Variants in YWHAQ observed in about 807,000 individuals in gnomAD.
YWHAQ encodes the protein tyrosine 3-monooxygenase/tryptophan 5-monooxygenase activation protein theta.
Under a neutral mutation model 28.3 loss-of-function variants are expected in YWHAQ, and 6 were observed. The observed-to-expected ratio is 0.21, with a 90% CI of 0.12 to 0.42. The LOEUF is 0.42. YWHAQ is among the 10% of genes least tolerant of loss of function. The pLI is 1.00. For missense variants in YWHAQ, 201 were observed against 305.6 expected, an observed-to-expected ratio of 0.66 and a Z score of 2.55; for synonymous variants, 143 against 119.1, an observed-to-expected ratio of 1.20 and a Z score of -1.31.
chr2:9,591,627 A>G lies in YWHAQ; in HGVS notation c.295-112T>C. 19 of 1,295,826 alleles carry G rather than the reference A, an allele frequency of 1.5e-5. No homozygotes were observed. The South Asian group carries it at 3.0e-4, about 21-fold the overall frequency. 80.3% of individuals were successfully genotyped at this position (1,295,826 alleles called of 1,614,324 possible). A position where few individuals can be genotyped will look rare whatever the true frequency, so the allele number is the denominator to read the frequency against. On this transcript the variant is annotated intron_variant, in intron 2 of 5. Transcript: ENST00000238081. ...ATTTCAATCATTTACTACTACAGTA[A>G]TACTATACCATACCAGCCTGGACTT...
intron 3 of YWHAQ, among the ~76,000 whole-genome samples, chr2:9,589,881 A>G (rs1426025514): frequency 6.6e-6 from 1 of 152,200 alleles, no homozygotes; most frequent in Admixed American, 6.5e-5. Flanking sequence ...AGTTTTCTGT[A>G]TGAGGCCACT....
intron 2 of YWHAQ, among the ~76,000 whole-genome samples, chr2:9,606,655 G>A (rs1666836246): frequency 6.6e-6 from 1 of 151,850 alleles, no homozygotes; most frequent in Admixed American, 6.5e-5. Context: ...TCAGCCTCCT[G>A]AGTAGCTGGG....
rs201450214 is a variant in YWHAQ, at chr2:9,587,558, G to A, written c.583-49C>T. 1.4e-5 allele frequency: 21 copies of A among 1,498,660 alleles called. No individual in the cohort carries two copies. The African/African-American group carries it at 2.8e-4, about 20-fold the overall frequency. 92.8% of individuals were successfully genotyped at this position (1,498,660 alleles called of 1,614,324 possible). A position where few individuals can be genotyped will look rare whatever the true frequency, so the allele number is the denominator to read the frequency against. On this transcript the variant is annotated intron_variant, in intron 4 of 5. Transcript: ENST00000238081. ...TAAAATATGTGCATTGACGAAAACT[G>A]GTTATTCTACAATTACAAACCATTT...
At chr2:9,593,923 T>TATATACACACACAC (rs377495113) in intron 2 of YWHAQ, among the ~76,000 whole-genome samples, 2 of 135,164 alleles carry the variant, frequency 1.5e-5, no homozygotes, top group African/African-American at 5.8e-5. Context: ...TATATATATA[T>TATATACACACACAC]ACACACACAC....
chr2:9,606,948 A>G (rs956456178), intron 2 of YWHAQ, among the ~76,000 whole-genome samples: 2 of 148,138 alleles, frequency 1.4e-5, no homozygotes, highest in African/African-American at 5.0e-5. Flanking sequence ...GCAGTAGCAT[A>G]ATCTTGGCTC....
At chr2:9,613,592 A>G (rs564504208) in intron 2 of YWHAQ, among the ~76,000 whole-genome samples, 44 of 152,346 alleles carry the variant, frequency 2.9e-4, no homozygotes, top group African/African-American at 9.4e-4. Context: ...GACTCTAAAT[A>G]CAAAGAGAAG....
chr2:9,610,808 T>C lies in YWHAQ; in HGVS notation c.295-19293A>G, dbSNP rs547647344. On this transcript the variant is annotated intron_variant, in intron 2 of 5. Coordinates refer to ENST00000238081, the MANE Select transcript of YWHAQ (RefSeq NM_006826.4). ...CAGGCATGAGCCACCGCACCCTGCC[T>C]ACTCATTTTTTAAAAATTAAATTTA... Among the ~76,000 whole-genome samples the C allele has an allele frequency of 3.2e-4, 48 of 152,268 alleles. 2 individuals are homozygous for C. The South Asian group carries it at 9.9e-3, about 32-fold the overall frequency.
intron 2 of YWHAQ, among the ~76,000 whole-genome samples, chr2:9,622,047 G>A (rs1667151033): frequency 6.6e-6 from 1 of 152,108 alleles, no homozygotes; most frequent in South Asian, 2.1e-4. Flanking sequence ...GGCGTCGGGG[G>A]CTAGGGGAGG....
intron 2 of YWHAQ, among the ~76,000 whole-genome samples, chr2:9,626,682 T>G (rs542722991): frequency 6.6e-6 from 1 of 152,204 alleles, no homozygotes; most frequent in African/African-American, 2.4e-5. Flanking sequence ...CCACCAGCCT[T>G]GGCCTCCCAA....
At chr2:9,603,606 T>C (rs1666758209) in intron 2 of YWHAQ, among the ~76,000 whole-genome samples, 1 of 151,502 alleles carries the variant, frequency 6.6e-6, no homozygotes, top group South Asian at 2.1e-4. Context: ...GATGCATTCC[T>C]GGTTAATTCT....
At chr2:9,612,522 G>A (rs972122225) in intron 2 of YWHAQ, among the ~76,000 whole-genome samples, 2 of 152,286 alleles carry the variant, frequency 1.3e-5, no homozygotes, top group South Asian at 2.1e-4. Flanking sequence ...GTTATTCTGT[G>A]TGCCATTACA....
chr2:9,606,290 G>C (rs1311336500), intron 2 of YWHAQ, among the ~76,000 whole-genome samples: 1 of 152,152 alleles, frequency 6.6e-6, no homozygotes, highest in Non-Finnish European at 1.5e-5. Flanking sequence ...TTCCGGCCAG[G>C]CTTGGTGGCT....
chr2:9,603,927 C>T (rs1333192212), intron 2 of YWHAQ, among the ~76,000 whole-genome samples: 1 of 152,012 alleles, frequency 6.6e-6, no homozygotes, highest in East Asian at 1.9e-4. Context: ...TCCATCTCAA[C>T]AACAACAAAA....
intron 2 of YWHAQ, among the ~76,000 whole-genome samples, chr2:9,624,351 C>T (rs1667203869): frequency 6.6e-6 from 1 of 152,120 alleles, no homozygotes; most frequent in African/African-American, 2.4e-5. Context: ...AGCATACACA[C>T]AATAATGACA....
At chr2:9,627,020 G>C (rs982246106) in intron 2 of YWHAQ, among the ~76,000 whole-genome samples, 1 of 152,218 alleles carries the variant, frequency 6.6e-6, no homozygotes, top group African/African-American at 2.4e-5. Context: ...GACACTGAGA[G>C]ACAGCTCTAA....
At chr2:9,594,780 A>G (rs1325359828) in intron 2 of YWHAQ, among the ~76,000 whole-genome samples, 1 of 152,202 alleles carries the variant, frequency 6.6e-6, no homozygotes, top group Non-Finnish European at 1.5e-5. Flanking sequence ...GGGGCTGAGA[A>G]AAGTCTGACT....
intron 2 of YWHAQ, among the ~76,000 whole-genome samples, chr2:9,602,864 T>A (rs1275984697): frequency 0.025 from 205 of 8,140 alleles, 4 homozygotes; most frequent in Admixed American, 0.046. Flanking sequence ...AAAAAAAAAA[T>A]ATATATATAT....
chr2:9,622,637 G>A (rs1024414645), intron 2 of YWHAQ, among the ~76,000 whole-genome samples: 7 of 152,146 alleles, frequency 4.6e-5, no homozygotes, highest in African/African-American at 1.7e-4. Context: ...GTACACAGGA[G>A]AACAAAGAAT....
intron 2 of YWHAQ, among the ~76,000 whole-genome samples, chr2:9,608,384 A>T (rs1666877665): frequency 6.6e-6 from 1 of 152,194 alleles, no homozygotes; most frequent in African/African-American, 2.4e-5. Context: ...AAACTTTGTC[A>T]TCGCTGAGAA....
Sources: allele counts gnomAD v4.1 joint callset (sites outside exome capture counted in the v4.1 genomes callset), GRCh38; gene constraint gnomAD v4.1.1; transcripts MANE v1.5; gene names NCBI Gene and HGNC (gene_info 2026-07-23, HGNC 2026-07-21).